CACNA2D3: variants seen among roughly 807,000 people sequenced by gnomAD.
CACNA2D3 encodes the protein calcium voltage-gated channel auxiliary subunit alpha2delta 3.
A neutral mutation model predicts 160.6 loss-of-function variants in CACNA2D3; 60 were observed. That is an observed-to-expected ratio of 0.37 (90% CI 0.30 to 0.46). The LOEUF (loss-of-function observed/expected upper bound fraction) is 0.46, where lower values mean the gene tolerates loss of function less well. Ranked by LOEUF, CACNA2D3 falls within the 20% of genes least tolerant of loss-of-function variation. The probability of loss-of-function intolerance (pLI) is 1.00; values close to 1 mark genes in which losing one functional copy is unlikely to be tolerated. For missense variants in CACNA2D3, 1,205 were observed against 1,365.0 expected (o/e 0.88, Z 1.85); for synonymous variants, 558 against 492.9 (o/e 1.13, Z -1.75).
At chr3:54,528,873 G>C (rs1028047184) in intron 5 of CACNA2D3, among the ~76,000 whole-genome samples, 1 of 152,184 alleles carries the variant, frequency 6.6e-6, no homozygotes, top group African/African-American at 2.4e-5. Flanking sequence ...GTAGCTCAAA[G>C]TCATATTAAT....
intron 3 of CACNA2D3, among the ~76,000 whole-genome samples, chr3:54,361,916 G>C (rs75671949): frequency 6.6e-6 from 1 of 152,188 alleles, no homozygotes; most frequent in Non-Finnish European, 1.5e-5. Context: ...GTCTGTACAT[G>C]CATACACTTT....
chr3:54,341,593 A>T (rs6767871), intron 3 of CACNA2D3, among the ~76,000 whole-genome samples: 5,127 of 152,254 alleles, frequency 0.034, 279 homozygotes, highest in African/African-American at 0.12. Flanking sequence ...TGAGTTTGGC[A>T]TTATTACTGC....
At chr3:54,351,004 T>TTTTTTTTTTTTTTC (rs1698553976) in intron 3 of CACNA2D3, among the ~76,000 whole-genome samples, 1 of 131,188 alleles carries the variant, frequency 7.6e-6, no homozygotes, top group Non-Finnish European at 1.6e-5. Flanking sequence ...TTTTTTTTTT[T>TTTTTTTTTTTTTTC]TTGAGACAGA....
chr3:54,292,196 C>T (rs903889813), intron 2 of CACNA2D3, among the ~76,000 whole-genome samples: 1 of 151,674 alleles, frequency 6.6e-6, no homozygotes, highest in Non-Finnish European at 1.5e-5. Flanking sequence ...GACCAAAGGC[C>T]CAAATTTAAG....
At position 54,924,504 on chromosome 3, in the gene CACNA2D3, A is replaced by G; in HGVS notation, c.2449+24636A>G. On this transcript the variant is annotated intron_variant, in intron 27 of 37. Transcript: ENST00000474759. ...CCGTGAAATGGCACCGATGTGTAAA[A>G]GCCCAAATCCACCCCTTACACACTC... 4.8e-6 allele frequency: 4 copies of G among 834,626 alleles called. No individual in the cohort carries two copies. In the South Asian group the frequency reaches 7.3e-5, roughly 15 times the overall value. The allele number at this position is 834,626 out of a possible 1,614,324, so 51.7% of individuals were successfully genotyped here. A position where few individuals can be genotyped will look rare whatever the true frequency, so the allele number is the denominator to read the frequency against.
intron 3 of CACNA2D3, among the ~76,000 whole-genome samples, chr3:54,379,102 G>T (rs1161266778): frequency 1.3e-5 from 2 of 152,192 alleles, no homozygotes; most frequent in Non-Finnish European, 2.9e-5. Context: ...AGGAGTGAAG[G>T]AAGGGAAGAA....
At chr3:54,414,750 A>G (rs751556747) in intron 4 of CACNA2D3, among the ~76,000 whole-genome samples, 3 of 151,088 alleles carry the variant, frequency 2.0e-5, no homozygotes, top group Non-Finnish European at 4.4e-5. Context: ...GTTCATTTAT[A>G]AAGTGAATTC....
chr3:54,838,212 T>C (rs145229254), intron 15 of CACNA2D3, among the ~76,000 whole-genome samples: 2 of 152,232 alleles, frequency 1.3e-5, no homozygotes, highest in Non-Finnish European at 2.9e-5. Context: ...TAAAAAGCTT[T>C]CATAAGAGAA....
At chr3:54,688,561 A>G (rs552675562) in intron 11 of CACNA2D3, among the ~76,000 whole-genome samples, 1 of 151,618 alleles carries the variant, frequency 6.6e-6, no homozygotes, top group Admixed American at 6.6e-5. Flanking sequence ...CTTCTCCAAA[A>G]CTCAATATTT....
chr3:54,880,477 A>G (rs993908571), intron 20 of CACNA2D3, among the ~76,000 whole-genome samples: 3 of 152,216 alleles, frequency 2.0e-5, no homozygotes, highest in Non-Finnish European at 4.4e-5. Context: ...TATAAAGAGC[A>G]GGGCTCATGG....
At chr3:55,039,486 C>T (rs536908338) in intron 35 of CACNA2D3, among the ~76,000 whole-genome samples, 1 of 152,296 alleles carries the variant, frequency 6.6e-6, no homozygotes, top group South Asian at 2.1e-4. Flanking sequence ...CCTGTGTACC[C>T]ATATGCAGCT....
intron 13 of CACNA2D3, among the ~76,000 whole-genome samples, chr3:54,765,347 A>G (rs1702204066): frequency 2.0e-5 from 3 of 152,174 alleles, no homozygotes; most frequent in Admixed American, 1.3e-4. Flanking sequence ...ATAAGAATGT[A>G]TCCCCTTGTC....
chr3:54,849,624 G>A (rs1046819015), intron 17 of CACNA2D3, among the ~76,000 whole-genome samples: 1 of 152,174 alleles, frequency 6.6e-6, no homozygotes, highest in Non-Finnish European at 1.5e-5. Flanking sequence ...GGCTAGCTCA[G>A]GCAGGGAACC....
intron 18 of CACNA2D3, among the ~76,000 whole-genome samples, chr3:54,873,852 A>T (rs969317294): frequency 6.6e-6 from 1 of 152,170 alleles, no homozygotes; most frequent in African/African-American, 2.4e-5. Flanking sequence ...TCTCCTGGGG[A>T]TTTGCATGTC....
At chr3:54,765,489 T>C (rs1179688144) in intron 13 of CACNA2D3, among the ~76,000 whole-genome samples, 2 of 152,148 alleles carry the variant, frequency 1.3e-5, no homozygotes, top group African/African-American at 4.8e-5. Flanking sequence ...TGGTTTTAAA[T>C]CATGGAAACA....
chr3:54,252,510 G>A (rs1252212529), intron 2 of CACNA2D3, among the ~76,000 whole-genome samples: 3 of 152,094 alleles, frequency 2.0e-5, no homozygotes, highest in African/African-American at 2.4e-5. Flanking sequence ...ACTTCAACTG[G>A]CCAGTGATTA....
At chr3:54,666,677 C>T (rs1429208708) in intron 11 of CACNA2D3, among the ~76,000 whole-genome samples, 1 of 152,226 alleles carries the variant, frequency 6.6e-6, no homozygotes, top group Non-Finnish European at 1.5e-5. Context: ...CACCTCCTCT[C>T]CCAACTTGTC....
intron 11 of CACNA2D3, among the ~76,000 whole-genome samples, chr3:54,691,950 CTAGT>C (rs1016564260): frequency 2.9e-4 from 44 of 152,170 alleles, no homozygotes; most frequent in African/African-American, 9.6e-4. Flanking sequence ...CAGCTGATAA[CTAGT>C]TAAAGTAATT....
intron 2 of CACNA2D3, among the ~76,000 whole-genome samples, chr3:54,166,209 G>C (rs1333005927): frequency 6.6e-6 from 1 of 152,196 alleles, no homozygotes; most frequent in African/African-American, 2.4e-5. Context: ...GGTTGGAGAT[G>C]TAACTGCTGG....
Sources: allele counts gnomAD v4.1 joint callset (sites outside exome capture counted in the v4.1 genomes callset), GRCh38; gene constraint gnomAD v4.1.1; transcripts MANE v1.5; gene names NCBI Gene and HGNC (gene_info 2026-07-23, HGNC 2026-07-21).